CNTN5: variants seen among roughly 807,000 people sequenced by gnomAD.
CNTN5 encodes contactin-5.
A neutral mutation model predicts 129.1 loss-of-function variants in CNTN5; 77 were observed. That is an observed-to-expected ratio of 0.60 (90% CI 0.50 to 0.72). The LOEUF is 0.72. Ranked by LOEUF, CNTN5 falls within the 30% of genes least tolerant of loss-of-function variation. The pLI, the probability that CNTN5 is intolerant of heterozygous loss-of-function variation, is 0.00. For missense variants in CNTN5, 1,478 were observed against 1,328.8 expected, an observed-to-expected ratio of 1.11 and a Z score of -1.75; for synonymous variants, 509 against 465.6, an observed-to-expected ratio of 1.09 and a Z score of -1.20.
intron 13 of CNTN5, among the ~76,000 whole-genome samples, chr11:100,121,315 G>T (rs535022585): frequency 9.2e-5 from 14 of 152,166 alleles, no homozygotes; most frequent in South Asian, 6.2e-4. Flanking sequence ...ACAATGTTTT[G>T]TGACAAAAGT....
chr11:100,036,935 C>A (rs1038043925), intron 9 of CNTN5, among the ~76,000 whole-genome samples: 1 of 149,466 alleles, frequency 6.7e-6, no homozygotes, highest in Admixed American at 6.7e-5. Context: ...TTGACTTCCT[C>A]TTTTCCTAAT....
chr11:99,025,837 ATAAT>A (rs1181141824), intron 1 of CNTN5, among the ~76,000 whole-genome samples: 8 of 151,838 alleles, frequency 5.3e-5, no homozygotes, highest in Middle Eastern at 3.4e-3. Context: ...ATTTTCTTAA[ATAAT>A]TAATGTTATA....
chr11:100,183,467 A>G (rs1044235692), intron 13 of CNTN5, among the ~76,000 whole-genome samples: 3 of 152,186 alleles, frequency 2.0e-5, no homozygotes, highest in African/African-American at 7.2e-5. Flanking sequence ...GCTGAATCTC[A>G]ATTTAATTAT....
At chr11:99,843,022 G>A (rs1947563967) in intron 4 of CNTN5, among the ~76,000 whole-genome samples, 1 of 152,152 alleles carries the variant, frequency 6.6e-6, no homozygotes, top group Non-Finnish European at 1.5e-5. Context: ...CTTGAGGTTA[G>A]GAGTGTGAGA....
At chr11:99,918,994 T>C (rs1356105559) in intron 7 of CNTN5, among the ~76,000 whole-genome samples, 1 of 152,150 alleles carries the variant, frequency 6.6e-6, no homozygotes, top group Non-Finnish European at 1.5e-5. Context: ...TCAGCTTAGA[T>C]TGTGCAGTCC....
intron 1 of CNTN5, among the ~76,000 whole-genome samples, chr11:99,081,566 A>G (rs1283432586): frequency 6.6e-6 from 1 of 152,180 alleles, no homozygotes; most frequent in Non-Finnish European, 1.5e-5. Flanking sequence ...GGATGATATC[A>G]TATCTACTTA....
At position 100,341,089 on chromosome 11, in the gene CNTN5, G is replaced by A. The variant is rs771184087; in HGVS notation, c.2918-4G>A. The A allele has an allele frequency of 1.3e-6, 2 of 1,598,214 alleles. No individual in the cohort carries two copies. The highest frequency in any genetic ancestry group is 1.3e-5 in the African/African-American group (1 of 74,586). ...TCAGTTCACTTTCACTTTTTATTTTGCAGCTCCTAGTCAAGCACCTAGCAA... is the reference window on the plus strand; with the variant it reads ...TCAGTTCACTTTCACTTTTTATTTTACAGCTCCTAGTCAAGCACCTAGCAA... On this transcript the variant is annotated splice_region_variant and splice_polypyrimidine_tract_variant and intron_variant, in intron 22 of 24. Transcript: ENST00000524871.
intron 2 of CNTN5, among the ~76,000 whole-genome samples, chr11:99,362,763 C>G (rs967442053): frequency 6.6e-6 from 1 of 151,506 alleles, no homozygotes; most frequent in East Asian, 1.9e-4. Context: ...TTTTCAAAAC[C>G]ATTTATTGAA....
chr11:99,401,061 C>T (rs1303162478), intron 2 of CNTN5, among the ~76,000 whole-genome samples: 1 of 151,984 alleles, frequency 6.6e-6, no homozygotes, highest in East Asian at 1.9e-4. Context: ...GTTTCCTTTA[C>T]CTTGCAGGAG....
intron 2 of CNTN5, among the ~76,000 whole-genome samples, chr11:99,530,824 G>T (rs1429561088): frequency 1.3e-5 from 2 of 152,168 alleles, no homozygotes; most frequent in Non-Finnish European, 2.9e-5. Context: ...AGTGCCTTTA[G>T]CCCTCTGCCA....
rs558722234 is a variant in CNTN5, at chr11:99,485,272, A to G, written c.-70-70873A>G. The stretch of plus-strand genomic sequence containing the variant: ...AAAAAAAGGGAAGTGATTTCCATGG[A>G]TTAGTGGGGAGAGAGAGATAAATAG... On this transcript the variant is annotated intron_variant, in intron 2 of 24. Transcript: ENST00000524871. 5.3e-5 allele frequency among the ~76,000 whole-genome samples: 8 copies of G among 152,022 alleles called. 1 individual carries two copies. The South Asian group carries it at 1.7e-3, about 32-fold the overall frequency.
At chr11:99,610,232 G>C (rs529060383) in intron 3 of CNTN5, among the ~76,000 whole-genome samples, 1 of 152,218 alleles carries the variant, frequency 6.6e-6, no homozygotes, top group African/African-American at 2.4e-5. Context: ...AAAATATTCA[G>C]ACTGTAGGGG....
chr11:99,880,411 ATAAC>A (rs986513430), intron 6 of CNTN5, among the ~76,000 whole-genome samples: 5 of 152,230 alleles, frequency 3.3e-5, no homozygotes, highest in African/African-American at 9.6e-5. Context: ...ATGAAAGAGA[ATAAC>A]TGTTTCTACT....
chr11:99,628,976 G>C (rs182480122), intron 3 of CNTN5, among the ~76,000 whole-genome samples: 1 of 152,080 alleles, frequency 6.6e-6, no homozygotes, highest in Non-Finnish European at 1.5e-5. Context: ...GGTAGACTCA[G>C]CACATATTCA....
At chr11:99,982,789 T>C (rs961601987) in intron 8 of CNTN5, among the ~76,000 whole-genome samples, 2 of 152,110 alleles carry the variant, frequency 1.3e-5, no homozygotes, top group Non-Finnish European at 2.9e-5. Context: ...TATAGGTGCC[T>C]GCCACCACGC....
At chr11:99,776,272 C>G (rs1195230643) in intron 3 of CNTN5, among the ~76,000 whole-genome samples, 1 of 151,834 alleles carries the variant, frequency 6.6e-6, no homozygotes, top group African/African-American at 2.4e-5. Flanking sequence ...ACAGAGAAGG[C>G]AGAAACTAAC....
intron 7 of CNTN5, among the ~76,000 whole-genome samples, chr11:99,935,209 G>A (rs1310542022): frequency 6.6e-6 from 1 of 151,536 alleles, no homozygotes; most frequent in Non-Finnish European, 1.5e-5. Flanking sequence ...GCTAGCCATT[G>A]TCAACCAGGG....
chr11:99,214,210 T>A (rs2135680617), intron 1 of CNTN5, among the ~76,000 whole-genome samples: 1 of 151,976 alleles, frequency 6.6e-6, no homozygotes, highest in East Asian at 1.9e-4. Flanking sequence ...GAAGGGGAAA[T>A]GGTAGTTTGG....
intron 21 of CNTN5, chr11:100,336,915 A>T (rs1245805477): frequency 1.6e-6 from 1 of 610,544 alleles, no homozygotes; most frequent in Non-Finnish European, 3.0e-6. Context: ...CGGTGAATAC[A>T]TGCAGTCCCC....
Sources: allele counts gnomAD v4.1 joint callset (sites outside exome capture counted in the v4.1 genomes callset), GRCh38; gene constraint gnomAD v4.1.1; transcripts MANE v1.5; gene names NCBI Gene and HGNC (gene_info 2026-07-23, HGNC 2026-07-21).